Variants in GBE1 observed in about 807,000 individuals in gnomAD.
GBE1 encodes the protein 1,4-alpha-glucan-branching enzyme.
GBE1 carries 70 observed loss-of-function variants against 88.8 expected under a neutral mutation model. The ratio of observed to expected loss-of-function variants is 0.79; its 90% CI spans 0.65 to 0.96. The LOEUF is 0.96. Among genes scored for constraint, GBE1 ranks in the 40% least tolerant of loss-of-function variants. The pLI is 0.00. For synonymous variants in GBE1, 284 were observed against 300.1 expected, an observed-to-expected ratio of 0.95 and a Z score of 0.56; for missense variants, 872 against 871.0, an observed-to-expected ratio of 1.00 and a Z score of -0.01.
chr3:81,564,837 G>A (rs2106914979), intron 12 of GBE1, among the ~76,000 whole-genome samples: 1 of 152,244 alleles, frequency 6.6e-6, no homozygotes. Context: ...ATTTTTGCAT[G>A]TTCTTCCATC....
intron 8 of GBE1, among the ~76,000 whole-genome samples, chr3:81,592,269 C>T (rs1454699475): frequency 6.6e-6 from 1 of 152,022 alleles, no homozygotes; most frequent in Non-Finnish European, 1.5e-5. Flanking sequence ...AAAAGTGCGC[C>T]CTTTGACCAA....
Position 81,649,898 on chromosome 3 carries a change from T to C in GBE1, c.453A>G (p.Gly151=), listed in dbSNP as rs751739447. The change falls in exon 4 of 16, where the codon GGA becomes GGG. Residue 151 remains glycine (G), a synonymous_variant. Transcript: ENST00000429644. ...KLKVVITSKS[G]EILYRISPWA... ...ACGGTGAAATACGATACAAGATCTC[T>C]CCGCTTTTACTAGTAATAACTACCT... 4 of 1,609,028 alleles carry C rather than the reference T, an allele frequency of 2.5e-6. No homozygotes were observed. The East Asian group carries it at 8.9e-5, about 36-fold the overall frequency.
chr3:81,588,737 T>G (rs1576160420), intron 9 of GBE1, among the ~76,000 whole-genome samples: 1 of 152,290 alleles, frequency 6.6e-6, no homozygotes, highest in Non-Finnish European at 1.5e-5. Context: ...CTAGTTCTGT[T>G]TTCTTACACA....
intron 2 of GBE1, among the ~76,000 whole-genome samples, chr3:81,702,100 A>AGTGTGTGT (rs753389984): frequency 1.3e-5 from 1 of 76,256 alleles, no homozygotes; most frequent in Non-Finnish European, 2.4e-5. Flanking sequence ...AGAGAGAGAG[A>AGTGTGTGT]GAGTGTGTGT....
rs550677832 is a variant in GBE1, at chr3:81,651,586, C to G, written c.430-1665G>C. On this transcript the variant is annotated intron_variant, in intron 3 of 15. Transcript: ENST00000429644. ...AGCTTAAAAAAAAAACTCCCTTAAG[C>G]TACATGAATTTGTAGCATAATATGC... Among the ~76,000 whole-genome samples the G allele has an allele frequency of 5.3e-5, 8 of 152,142 alleles. No homozygotes were observed. The East Asian group carries it at 1.5e-3, about 29-fold the overall frequency.
chr3:81,494,898 T>C (rs9862299), intron 15 of GBE1, among the ~76,000 whole-genome samples: 21,016 of 149,640 alleles, frequency 0.14, 1,749 homozygotes, highest in Non-Finnish European at 0.21. Flanking sequence ...TCTAGGACTG[T>C]ATTTTCCTCT....
At chr3:81,592,439 A>G (rs1326781270) in intron 8 of GBE1, among the ~76,000 whole-genome samples, 3 of 152,110 alleles carry the variant, frequency 2.0e-5, no homozygotes, top group Non-Finnish European at 4.4e-5. Context: ...AATTGCAGGT[A>G]AATTCATGAC....
chr3:81,534,975 C>A (rs942084876), intron 14 of GBE1: 4 of 457,506 alleles, frequency 8.7e-6, no homozygotes, highest in Admixed American at 4.1e-5. Context: ...TCTGCACTAA[C>A]CCCTCTGTTT....
intron 7 of GBE1, among the ~76,000 whole-genome samples, chr3:81,627,525 G>C (rs770368278): frequency 9.2e-5 from 14 of 152,018 alleles, no homozygotes; most frequent in East Asian, 1.9e-4. Flanking sequence ...TTTAACACAG[G>C]GTGGGGAGTA....
At chr3:81,748,888 T>G (rs1424577060) in intron 1 of GBE1, among the ~76,000 whole-genome samples, 1 of 150,850 alleles carries the variant, frequency 6.6e-6, no homozygotes, top group Non-Finnish European at 1.5e-5. Flanking sequence ...GCACCTGTAG[T>G]GCCAGCTACC....
chr3:81,582,525 G>A (rs1703747286), intron 10 of GBE1, among the ~76,000 whole-genome samples: 1 of 152,072 alleles, frequency 6.6e-6, no homozygotes. Context: ...TGCTGTTTAA[G>A]CCACTAAGCT....
intron 12 of GBE1, among the ~76,000 whole-genome samples, chr3:81,563,445 A>G (rs932405407): frequency 2.0e-5 from 3 of 152,178 alleles, no homozygotes; most frequent in Non-Finnish European, 2.9e-5. Context: ...GTCCAACAAT[A>G]AAGTGAGGCT....
rs927628548 is a variant in GBE1, at chr3:81,566,046, C to T, written c.1618+11879G>A. Among the ~76,000 whole-genome samples the T allele has an allele frequency of 3.9e-5, 6 of 152,276 alleles. No homozygotes were observed. The East Asian group carries it at 1.2e-3, about 29-fold the overall frequency. On this transcript the variant is annotated intron_variant, in intron 12 of 15. Coordinates refer to ENST00000429644, the MANE Select transcript of GBE1 (RefSeq NM_000158.4). ...CCATTCGGGTTTGCTTTGTTTGTTA[C>T]GGGAAATCCAAGTTCAGCCTCCTGG...
intron 2 of GBE1, among the ~76,000 whole-genome samples, chr3:81,677,961 G>C (rs998615841): frequency 6.6e-6 from 1 of 152,068 alleles, no homozygotes; most frequent in South Asian, 2.1e-4. Flanking sequence ...AACAAACATA[G>C]TGCTCAATCA....
Position 81,723,746 on chromosome 3 carries a change from CACA to C in GBE1, c.144-18136_144-18134del, listed in dbSNP as rs1463593306. On this transcript the variant is annotated intron_variant, in intron 1 of 15. Coordinates refer to ENST00000429644, the MANE Select transcript of GBE1 (RefSeq NM_000158.4). ...CTGCTAAGACTGGTTACCACCAACG[CACA>C]AAAGTCCAGCTCTGCACCCTCAAGA... is the stretch of plus-strand genomic sequence containing the variant. Among the ~76,000 whole-genome samples the C allele has an allele frequency of 5.3e-5, 8 of 152,254 alleles. No homozygotes were observed. In the East Asian group the frequency reaches 1.5e-3, roughly 29 times the overall value.
chr3:81,507,915 A>G (rs1219204201), intron 14 of GBE1, among the ~76,000 whole-genome samples: 3 of 152,178 alleles, frequency 2.0e-5, no homozygotes, highest in Non-Finnish European at 4.4e-5. Context: ...CTGGTTTTAC[A>G]CTACAAAATA....
At chr3:81,633,614 T>C (rs1464148582) in intron 7 of GBE1, among the ~76,000 whole-genome samples, 1 of 152,214 alleles carries the variant, frequency 6.6e-6, no homozygotes, top group Non-Finnish European at 1.5e-5. Context: ...ATTTATTTTG[T>C]TTATTCCTCT....
rs183237846 is a variant in GBE1 at position 81,748,452 on chromosome 3, A to T, written c.143+12923T>A. Among the ~76,000 whole-genome samples, 188 of 152,098 alleles carry T rather than the reference A, an allele frequency of 1.2e-3. 1 individual carries two copies. Among genetic ancestry groups the T allele is most frequent in the African/African-American group, 4.5e-3 (186 of 41,494 alleles). ...CTGTGAAACCCCGTCTCTACTAAAA[A>T]TACAAAAAATTAGCCGGGTGTGGTG... is the stretch of plus-strand genomic sequence containing the variant. On this transcript the variant is annotated intron_variant, in intron 1 of 15. Transcript: ENST00000429644.
intron 7 of GBE1, among the ~76,000 whole-genome samples, chr3:81,636,623 C>G (rs2107046807): frequency 6.6e-6 from 1 of 151,996 alleles, no homozygotes; most frequent in East Asian, 1.9e-4. Flanking sequence ...CTCCGCCTCC[C>G]AGGTTCAAGC....
Sources: allele counts gnomAD v4.1 joint callset (sites outside exome capture counted in the v4.1 genomes callset), GRCh38; gene constraint gnomAD v4.1.1; transcripts MANE v1.5; gene names NCBI Gene and HGNC (gene_info 2026-07-23, HGNC 2026-07-21).